TET2: variants seen among roughly 807,000 people sequenced by gnomAD.
TET2 encodes the protein tet methylcytosine dioxygenase 2, also known as methylcytosine dioxygenase TET2.
In TET2, 299 loss-of-function variants were observed where a neutral mutation model predicts 142.9. The ratio of observed to expected loss-of-function variants is 2.09; its 90% confidence interval spans 1.90 to 2.30. TET2 has a LOEUF of 2.30. TET2 is among the 30% of genes most tolerant of loss of function. TET2 has a pLI of 0.00. For missense variants in TET2, 2,418 were observed against 2,378.0 expected (o/e 1.02, Z -0.35); for synonymous variants, 819 against 849.0 (o/e 0.96, Z 0.61).
chr4:105,272,823 C>T lies in TET2; in HGVS notation c.4442C>T (p.Ser1481Phe), dbSNP rs1176823597. ...AAAGCTGCAGCTGAAAAGCTTTCCTCCCTGGAGAACAGCTCAAATAAAAAT... is the reference window on the plus strand; with the variant it reads ...AAAGCTGCAGCTGAAAAGCTTTCCTTCCTGGAGAACAGCTCAAATAAAAAT... The part of the protein sequence containing the change: ...AKKAAAEKLS[S>F]LENSSNKNEK... Residue 1481 changes from serine to phenylalanine, a missense_variant, in exon 10 of 11, where the codon TCC becomes TTC. Physicochemically the swap from Ser to Phe is radical, Grantham distance 155. Transcript: ENST00000380013. The T allele has an allele frequency of 6.4e-7, 1 of 1,551,618 alleles. No homozygotes were observed. The highest frequency in any genetic ancestry group is 8.7e-7 in the Non-Finnish European group (1 of 1,146,952).
intron 2 of TET2, among the ~76,000 whole-genome samples, chr4:105,199,148 AG>A (rs1726284237): frequency 6.6e-6 from 1 of 152,226 alleles, no homozygotes; most frequent in South Asian, 2.1e-4. Flanking sequence ...TCTTTATTAA[AG>A]AATGTTGGAT....
intron 2 of TET2, among the ~76,000 whole-genome samples, chr4:105,193,830 G>A (rs1725925800): frequency 6.6e-6 from 1 of 152,154 alleles, no homozygotes; most frequent in Admixed American, 6.6e-5. Flanking sequence ...TTGTCATATA[G>A]GCTGAATTAA....
chr4:105,275,780 A>G lies in TET2; in HGVS notation c.5270A>G (p.His1757Arg). 1 of 1,551,732 alleles carries G rather than the reference A, an allele frequency of 6.4e-7. No individual in the cohort carries two copies. Among genetic ancestry groups the G allele is most frequent in the Non-Finnish European group, 8.7e-7 (1 of 1,146,994 alleles). Reference sequence around the variant, plus strand: ...ATGGACTATAAAAATGGTGAACATCATTCACCTTCTCACATAATCCATAAC... The same window carrying G: ...ATGGACTATAAAAATGGTGAACATCGTTCACCTTCTCACATAATCCATAAC... ...PNMDYKNGEHHSPSHIIHNYS... is the reference protein window; with the variant it reads ...PNMDYKNGEHRSPSHIIHNYS... Residue 1757 changes from histidine to arginine, a missense_variant, in exon 11 of 11, where the codon CAT (histidine) becomes CGT (arginine). Transcript: ENST00000380013.
chr4:105,242,584 AT>A, intron 4 of TET2: 1 of 1,212,088 alleles, frequency 8.3e-7, no homozygotes, highest in South Asian at 3.5e-5. Context: ...GAGCTTTCCC[AT>A]TTTCACCCAC....
In TET2 at chr4:105,277,115, T is replaced by C. The variant is rs565681405; in HGVS notation, c.*596T>C. ...GAATTTGTTTGGATGTTCTAAGAAA[T>C]GGTGCTAAGAAAATGGTGTCTTTAA... On this transcript the variant is annotated 3_prime_UTR_variant, in exon 11 of 11. Transcript: ENST00000380013. 7.1e-4 allele frequency: 164 copies of C among 232,124 alleles called. 1 individual carries two copies. The highest frequency in any genetic ancestry group is 3.9e-3 in the Middle Eastern group (3 of 772). 14.4% of individuals were successfully genotyped at this position (232,124 alleles called of 1,614,324 possible).
chr4:105,239,534 C>A (rs976778918), intron 3 of TET2: 6 of 238,456 alleles, frequency 2.5e-5, no homozygotes, highest in African/African-American at 1.3e-4. Context: ...TAGCTTCCAA[C>A]TTCTCTTCTG....
intron 2 of TET2, chr4:105,202,529 A>G (rs1726546795): frequency 6.6e-6 from 1 of 152,168 alleles, no homozygotes; most frequent in Admixed American, 6.6e-5. Flanking sequence ...AACTTATTAA[A>G]TTTTTATTGA....
chr4:105,259,440 G>A (rs1730306932), intron 6 of TET2, among the ~76,000 whole-genome samples, 179 bp from the exon 7 acceptor site: 1 of 152,118 alleles, frequency 6.6e-6, no homozygotes, highest in South Asian at 2.1e-4. Flanking sequence ...GTATTACATT[G>A]CAATAAAATT....
intron 1 of TET2, among the ~76,000 whole-genome samples, chr4:105,160,774 GGTTT>G (rs199911726): frequency 0.041 from 6,304 of 151,932 alleles, 445 homozygotes; most frequent in African/African-American, 0.14. Context: ...TTGGTTTGTT[GGTTT>G]GTTTGTTTGT....
chr4:105,158,187 G>T (rs1723660708), intron 1 of TET2, among the ~76,000 whole-genome samples: 1 of 152,092 alleles, frequency 6.6e-6, no homozygotes, highest in South Asian at 2.1e-4. Context: ...CTTGGGTTTT[G>T]TTGAAGTCAG....
intron 6 of TET2, among the ~76,000 whole-genome samples, chr4:105,258,806 G>A (rs959236593): frequency 2.0e-5 from 3 of 151,880 alleles, no homozygotes; most frequent in Non-Finnish European, 4.4e-5. Flanking sequence ...ATCTCTCTTT[G>A]CTTACTTGTA....
rs1465672133 is a variant in TET2 at position 105,190,343 on chromosome 4, A to C, written c.-192-17A>C. 1.6e-6 allele frequency: 1 copy of C among 637,948 alleles called. No homozygotes were observed. Among genetic ancestry groups the C allele is most frequent in the Non-Finnish European group, 2.8e-6 (1 of 357,490 alleles). The allele number at this position is 637,948 out of a possible 1,614,324, so 39.5% of individuals were successfully genotyped here. A position where few individuals can be genotyped will look rare whatever the true frequency, so the allele number is the denominator to read the frequency against. On this transcript the variant is annotated splice_polypyrimidine_tract_variant and intron_variant, in intron 1 of 10. Coordinates refer to ENST00000380013, the MANE Select transcript of TET2 (RefSeq NM_001127208.3). ...CTTTTTGCTAACTTAAAAATGTTCA[A>C]ACTCTGTCTTCTCTAGGCTGGCAAA... is the stretch of plus-strand genomic sequence containing the variant.
intron 1 of TET2, among the ~76,000 whole-genome samples, chr4:105,152,594 CTTTCTTTTTT>C (rs1723362463): frequency 1.0e-5 from 1 of 95,322 alleles, no homozygotes; most frequent in Non-Finnish European, 2.4e-5. Context: ...TTCTTTCTTT[CTTTCTTTTTT>C]TTTTTTTTTT....
chr4:105,243,568 A>T lies in TET2; in HGVS notation c.3595-2A>T, dbSNP rs1221140798. On this transcript the variant is annotated splice_acceptor_variant, in intron 5 of 10. Transcript: ENST00000380013. LOFTEE classifies it high-confidence loss of function. ...TTTGGGATGGAATGGTGATCCACGC[A>T]GGTGGTTCGCAGAAGCAGCAGTGAA... 1 of 1,551,286 alleles carries T rather than the reference A, an allele frequency of 6.4e-7. No individual in the cohort carries two copies.
chr4:105,233,383 CAAAAAA>C lies in TET2; in HGVS notation c.-46-501_-46-496del, dbSNP rs34890297. Among the ~76,000 whole-genome samples, 53 of 76,150 alleles carry C rather than the reference CAAAAAA, an allele frequency of 7.0e-4. 4 individuals are homozygous for C. Among genetic ancestry groups the C allele is most frequent in the African/African-American group, 3.2e-3 (52 of 16,284 alleles). 50.0% of individuals were successfully genotyped at this position (76,150 alleles called of 152,430 possible). ...TGGGCAAGAGAGTGAGACTCCATCT[CAAAAAA>C]AAAAAAAAAAAAGCTACTGCAGTAG... On this transcript the variant is annotated intron_variant, in intron 2 of 10. Transcript: ENST00000380013.
In TET2 at chr4:105,276,182, G is replaced by T; in HGVS notation, c.5672G>T (p.Arg1891Met). The T allele has an allele frequency of 6.4e-7, 1 of 1,551,606 alleles. No homozygotes were observed. The highest frequency in any genetic ancestry group is 8.7e-7 in the Non-Finnish European group (1 of 1,146,980). Residue 1891 changes from arginine (R) to methionine (M), a missense_variant, in exon 11 of 11, where the codon AGG becomes ATG. Transcript: ENST00000380013. Reference sequence around the variant, plus strand: ...ACAACCCCTTTAAAGAATCCCAATAGGAATCACCCCACCAGGATCTCCCTC... The same window carrying T: ...ACAACCCCTTTAAAGAATCCCAATATGAATCACCCCACCAGGATCTCCCTC... Reference protein sequence around the residue: ...HATTPLKNPNRNHPTRISLVF... With the variant: ...HATTPLKNPNMNHPTRISLVF...
At chr4:105,160,808 C>T (rs1349514652) in intron 1 of TET2, among the ~76,000 whole-genome samples, 4 of 151,932 alleles carry the variant, frequency 2.6e-5, no homozygotes, top group African/African-American at 9.7e-5. Flanking sequence ...ACAGAGTCTC[C>T]CTCTGTCGCC....
chr4:105,274,727 A>C (rs1248804226), intron 10 of TET2, among the ~76,000 whole-genome samples: 1 of 152,182 alleles, frequency 6.6e-6, no homozygotes. Flanking sequence ...CCAAGGAAGG[A>C]TAGGGAGAGA....
At chr4:105,244,223 C>T (rs1406219218) in intron 6 of TET2, among the ~76,000 whole-genome samples, 1 of 152,162 alleles carries the variant, frequency 6.6e-6, no homozygotes, top group East Asian at 1.9e-4. Flanking sequence ...AAACAAAATA[C>T]AAAGCCTAGA....
Sources: allele counts gnomAD v4.1 joint callset (sites outside exome capture counted in the v4.1 genomes callset), GRCh38; gene constraint gnomAD v4.1.1; transcripts MANE v1.5; gene names NCBI Gene and HGNC (gene_info 2026-07-23, HGNC 2026-07-21).